CFAP47: variants seen among roughly 807,000 people sequenced by gnomAD.
The protein encoded by CFAP47 is cilia and flagella associated protein 47.
A neutral mutation model predicts 148.1 loss-of-function variants in CFAP47; 29 were observed. The ratio of observed to expected loss-of-function variants is 0.20; its 90% CI spans 0.15 to 0.27. The LOEUF is 0.27. CFAP47 is among the 10% of genes least tolerant of loss of function. The pLI is 1.00. For missense variants in CFAP47, 1,872 were observed against 1,697.5 expected, an observed-to-expected ratio of 1.10 and a Z score of -1.81; for synonymous variants, 664 against 577.3, an observed-to-expected ratio of 1.15 and a Z score of -2.15.
chrX:36,116,881 C>T (rs1457719359), intron 33 of CFAP47, among the ~76,000 whole-genome samples: 1 of 111,334 alleles, frequency 9.0e-6, no homozygotes, highest in Non-Finnish European at 1.9e-5. Context: ...CATTAACACT[C>T]CCCACTTCCC....
chrX:36,192,195 C>A (rs1939873373), intron 42 of CFAP47, among the ~76,000 whole-genome samples: 1 of 111,458 alleles, frequency 9.0e-6, no homozygotes, highest in African/African-American at 3.3e-5. Context: ...TTTTACAAAT[C>A]TTACATTAGT....
chrX:36,315,195 A>T (rs1176493151), intron 56 of CFAP47, among the ~76,000 whole-genome samples: 2 of 112,190 alleles, frequency 1.8e-5, no homozygotes, highest in African/African-American at 6.5e-5. Flanking sequence ...GTGTTTTGTT[A>T]TATCCATCTT....
chrX:36,045,341 G>T (rs1256869952), intron 25 of CFAP47, among the ~76,000 whole-genome samples: 1 of 111,318 alleles, frequency 9.0e-6, no homozygotes, highest in African/African-American at 3.3e-5. Flanking sequence ...TACCTCAGGT[G>T]CAAGACAAAG....
chrX:36,174,906 G>T (rs1277504224), intron 39 of CFAP47, among the ~76,000 whole-genome samples: 2 of 110,352 alleles, frequency 1.8e-5, no homozygotes, highest in Admixed American at 9.5e-5. Flanking sequence ...TTTCCAACTT[G>T]GTTCCATTCT....
chrX:35,971,720 T>G lies in CFAP47; in HGVS notation c.2105T>G (p.Leu702Trp). The change falls in exon 12 of 64, where the codon TTG (leucine) becomes TGG (tryptophan). Residue 702 changes from leucine to tryptophan, a missense_variant. Transcript: ENST00000378653. ...GCAAATTCAATTAGAGCGAATCGAT[T>G]GTTAACCACCAGGGGTATAGCATCT... ...SAANSIRANR[L>W]LTTRGIASQE... 8.3e-7 allele frequency: 1 copy of G among 1,211,438 alleles called. No homozygotes were observed. The highest frequency in any genetic ancestry group is 1.1e-6 in the Non-Finnish European group (1 of 895,279).
chrX:36,039,106 A>T lies in CFAP47; in HGVS notation c.3934A>T (p.Ile1312Leu). The change falls in exon 25 of 64, where the codon ATA becomes TTA. Residue 1312 changes from isoleucine to leucine, a missense_variant. Physicochemically the swap from Ile to Leu is conservative, Grantham distance 5. Transcript: ENST00000378653. The part of the protein sequence containing the change: ...SPELLFDPPF[I>L]FFTPVPLDIT... The stretch of plus-strand genomic sequence containing the variant: ...AGAGTTATTGTTTGACCCTCCATTT[A>T]TATTTTTCACTCCTGTTCCTTTGGA... The T allele has an allele frequency of 9.0e-7, 1 of 1,107,615 alleles. No homozygotes were observed. The allele number at this position is 1,107,615 out of a possible 1,213,427, so 91.3% of individuals were successfully genotyped here. A position where few individuals can be genotyped will look rare whatever the true frequency, so the allele number is the denominator to read the frequency against.
intron 25 of CFAP47, among the ~76,000 whole-genome samples, chrX:36,044,836 C>T (rs1937446326): frequency 8.9e-6 from 1 of 112,294 alleles, no homozygotes; most frequent in Admixed American, 9.4e-5. Flanking sequence ...CAGCAATGCC[C>T]CACTACCTTA....
intron 22 of CFAP47, among the ~76,000 whole-genome samples, chrX:36,030,455 G>A (rs1191852013): frequency 2.7e-5 from 3 of 110,415 alleles, no homozygotes; most frequent in Non-Finnish European, 5.7e-5. Flanking sequence ...TGGTAACATT[G>A]TCTCTTTTAG....
At chrX:36,276,275 G>A (rs1941016410) in intron 49 of CFAP47, among the ~76,000 whole-genome samples, 1 of 110,864 alleles carries the variant, frequency 9.0e-6, no homozygotes, top group African/African-American at 3.3e-5. Context: ...TTTCAAGTTT[G>A]TGGATTTTGC....
chrX:36,289,192 G>C (rs937326476), intron 51 of CFAP47, among the ~76,000 whole-genome samples: 1 of 108,953 alleles, frequency 9.2e-6, no homozygotes, highest in Non-Finnish European at 1.9e-5. Context: ...TAGAGATGGG[G>C]TTTCTCCATG....
intron 2 of CFAP47, among the ~76,000 whole-genome samples, chrX:35,936,323 G>T (rs1935910253): frequency 9.1e-6 from 1 of 110,456 alleles, no homozygotes; most frequent in African/African-American, 3.3e-5. Context: ...TTTTAGTTTG[G>T]TTGTTGTATT....
In CFAP47 at chrX:36,350,085, A is replaced by T. The variant is rs895588949; in HGVS notation, c.8651A>T (p.Tyr2884Phe). 8.6e-7 allele frequency: 1 copy of T among 1,161,172 alleles called. No individual in the cohort carries two copies. The highest frequency in any genetic ancestry group is 2.6e-5 in the Admixed American group (1 of 38,270). ...SEEIQAIHWI[Y>F]PIVGLPQAPP... Reference sequence around the variant, plus strand: ...GAAATCCAAGCAATACACTGGATATACCCTATTGTTGGACTCCCACAAGCA... The same window carrying T: ...GAAATCCAAGCAATACACTGGATATTCCCTATTGTTGGACTCCCACAAGCA... The change falls in exon 59 of 64, where the codon TAC (tyrosine) becomes TTC (phenylalanine). Residue 2884 changes from tyrosine (Y) to phenylalanine (F), a missense_variant. By Grantham distance (22) the Tyr-to-Phe change is conservative (BLOSUM62 3). Transcript: ENST00000378653.
intron 30 of CFAP47, among the ~76,000 whole-genome samples, chrX:36,088,302 T>C (rs1441412936): frequency 2.7e-5 from 3 of 111,603 alleles, no homozygotes; most frequent in African/African-American, 9.8e-5. Flanking sequence ...TGGATATATT[T>C]GCAGTAATAT....
At chrX:36,049,630 G>A (rs1937508246) in intron 26 of CFAP47, among the ~76,000 whole-genome samples, 1 of 111,181 alleles carries the variant, frequency 9.0e-6, no homozygotes, top group Admixed American at 9.7e-5. Flanking sequence ...ATTAATTAAT[G>A]AGGCAAAATC....
At position 35,958,418 on chromosome X, in the gene CFAP47, G is replaced by T. The variant is rs189969456; in HGVS notation, c.1410+2222G>T. Among the ~76,000 whole-genome samples, 3 of 111,335 alleles carry T rather than the reference G, an allele frequency of 2.7e-5. No individual in the cohort carries two copies. The Admixed American group carries it at 2.9e-4, about 11-fold the overall frequency. Reference sequence around the variant, plus strand: ...AAGAGTGGAATTGTTGGGGTCATATGAAAACTCTATGTTTAACTTTTTAAG... The same window carrying T: ...AAGAGTGGAATTGTTGGGGTCATATTAAAACTCTATGTTTAACTTTTTAAG... On this transcript the variant is annotated intron_variant, in intron 8 of 63. Transcript: ENST00000378653.
At chrX:36,371,650 A>G (rs782797011) in intron 62 of CFAP47, among the ~76,000 whole-genome samples, 3 of 84,537 alleles carry the variant, frequency 3.5e-5, no homozygotes, top group Admixed American at 1.2e-4. Flanking sequence ...ACATATGTGT[A>G]TATATGTGTG....
At chrX:36,264,089 A>G (rs1940861922) in intron 49 of CFAP47, among the ~76,000 whole-genome samples, 1 of 111,866 alleles carries the variant, frequency 8.9e-6, no homozygotes, top group Non-Finnish European at 1.9e-5. Context: ...GGATCCTCAC[A>G]ACATTGACTG....
intron 4 of CFAP47, among the ~76,000 whole-genome samples, chrX:35,949,617 A>G (rs1936135033): frequency 8.9e-6 from 1 of 111,854 alleles, no homozygotes; most frequent in African/African-American, 3.2e-5. Context: ...TTTACTTTTC[A>G]GATTCCTGGT....
Position 36,081,849 on chromosome X carries a change from A to G in CFAP47, c.4692-3465A>G, listed in dbSNP as rs769491953. 3.6e-5 allele frequency among the ~76,000 whole-genome samples: 4 copies of G among 111,655 alleles called. No individual in the cohort carries two copies. In the Admixed American group the frequency reaches 3.8e-4, roughly 11 times the overall value. On this transcript the variant is annotated intron_variant, in intron 29 of 63. Coordinates refer to ENST00000378653, the MANE Select transcript of CFAP47 (RefSeq NM_001304548.2). ...CAGCAAAGGAACATACCTGAAAATA[A>G]CAAGAGCCATCTATGACAGCCAATA...
Sources: gnomAD v4.1 joint callset for allele counts (sites outside exome capture counted in the v4.1 genomes callset) on GRCh38, gnomAD v4.1.1 for gene constraint, MANE v1.5 for transcripts, NCBI Gene and HGNC (gene_info 2026-07-23, HGNC 2026-07-21) for gene names.